The following DGKI variants were observed in gnomAD, a reference collection of about 807,000 sequenced individuals.
DGKI encodes DAG kinase iota.
Under a neutral mutation model 147.5 loss-of-function variants are expected in DGKI, and 55 were observed. The observed-to-expected ratio is 0.37, with a 90% CI of 0.30 to 0.47. The LOEUF (loss-of-function observed/expected upper bound fraction) is 0.47. Among genes scored for constraint, DGKI ranks in the 20% least tolerant of loss-of-function variants. The probability of loss-of-function intolerance (pLI) is 1.00; values close to 1 mark genes in which losing one functional copy is unlikely to be tolerated. For synonymous variants in DGKI, 469 were observed against 477.1 expected, an observed-to-expected ratio of 0.98 and a Z score of 0.22; for missense variants, 1,007 against 1,323.8, an observed-to-expected ratio of 0.76 and a Z score of 3.71.
At chr7:137,487,520 G>T in intron 22 of DGKI, 90 bp downstream of exon 22, 1 of 1,142,356 alleles carries the variant, frequency 8.8e-7, no homozygotes, top group Non-Finnish European at 1.3e-6. Context: ...CTCTCCAAAT[G>T]CATCATTTCA....
Position 137,515,528 on chromosome 7 carries a change from A to G in DGKI, c.2248+6338T>C, listed in dbSNP as rs185138023. Among the ~76,000 whole-genome samples the G allele has an allele frequency of 9.3e-4, 141 of 152,296 alleles. 1 individual carries two copies. The highest frequency in any genetic ancestry group is 3.3e-3 in the African/African-American group (139 of 41,574). ...AGTCAAAGTCAGTTTAAATGTAAGA[A>G]GACATTTGAAATGGAATTGTGAAAG... On this transcript the variant is annotated intron_variant, in intron 21 of 32. Transcript: ENST00000614521.
At chr7:137,584,782 G>A (rs935689131) in intron 14 of DGKI, among the ~76,000 whole-genome samples, 1 of 152,168 alleles carries the variant, frequency 6.6e-6, no homozygotes, top group African/African-American at 2.4e-5. Context: ...CACTGGCATA[G>A]TTAATACCTC....
intron 1 of DGKI, among the ~76,000 whole-genome samples, chr7:137,798,225 C>T (rs1039510103): frequency 1.3e-5 from 2 of 152,066 alleles, no homozygotes; most frequent in African/African-American, 4.8e-5. Flanking sequence ...ATGGAAAGCC[C>T]AGACCCAGAG....
intron 27 of DGKI, among the ~76,000 whole-genome samples, chr7:137,462,204 AAC>A (rs1814471413): frequency 6.6e-6 from 1 of 152,132 alleles, no homozygotes; most frequent in Non-Finnish European, 1.5e-5. Flanking sequence ...AGCTAATTAA[AAC>A]ACTAATTTTC....
chr7:137,568,150 T>C (rs1818654968), intron 19 of DGKI, among the ~76,000 whole-genome samples: 2 of 152,246 alleles, frequency 1.3e-5, no homozygotes, highest in African/African-American at 2.4e-5. Flanking sequence ...ATGCACTCTA[T>C]GATCTGGCCC....
At chr7:137,563,406 G>T (rs1478566069) in intron 19 of DGKI, among the ~76,000 whole-genome samples, 1 of 151,554 alleles carries the variant, frequency 6.6e-6, no homozygotes, top group East Asian at 1.9e-4. Context: ...CCAAGAAAAA[G>T]AAATTTTAAA....
chr7:137,459,714 T>A lies in DGKI; in HGVS notation c.2735+3775A>T, dbSNP rs909201446. 2.0e-5 allele frequency among the ~76,000 whole-genome samples: 3 copies of A among 152,172 alleles called. No individual in the cohort carries two copies. The East Asian group carries it at 5.8e-4, about 30-fold the overall frequency. On this transcript the variant is annotated intron_variant, in intron 27 of 32. Transcript: ENST00000614521. Reference sequence around the variant, plus strand: ...TGGTCTTGATCTCCTGACCTCGTGATCCACCCGCCTCAGCCTCCCAAAGTG... The same window carrying A: ...TGGTCTTGATCTCCTGACCTCGTGAACCACCCGCCTCAGCCTCCCAAAGTG...
chr7:137,602,538 C>T (rs1239299757), intron 10 of DGKI, among the ~76,000 whole-genome samples: 1 of 152,032 alleles, frequency 6.6e-6, no homozygotes, highest in Non-Finnish European at 1.5e-5. Flanking sequence ...GTATTTATTA[C>T]CAAAAATGTA....
intron 1 of DGKI, among the ~76,000 whole-genome samples, chr7:137,767,877 G>T (rs1451256818): frequency 6.6e-6 from 1 of 152,106 alleles, no homozygotes; most frequent in Non-Finnish European, 1.5e-5. Context: ...ACAGTGTCTT[G>T]CACCCAGAAA....
intron 21 of DGKI, among the ~76,000 whole-genome samples, chr7:137,498,395 G>A (rs1816049205): frequency 1.3e-5 from 2 of 151,832 alleles, no homozygotes; most frequent in African/African-American, 4.8e-5. Flanking sequence ...AAAACAAAAT[G>A]AAGAATATTT....
intron 20 of DGKI, among the ~76,000 whole-genome samples, chr7:137,544,903 C>T (rs1366831762): frequency 1.3e-5 from 2 of 152,122 alleles, no homozygotes; most frequent in African/African-American, 2.4e-5. Context: ...TGATAAACTC[C>T]AGTGAGGGTG....
chr7:137,410,871 T>C (rs781499217), intron 29 of DGKI, among the ~76,000 whole-genome samples: 1 of 152,226 alleles, frequency 6.6e-6, no homozygotes, highest in Non-Finnish European at 1.5e-5. Flanking sequence ...AACTCATCAA[T>C]ATACTGCTTG....
chr7:137,391,466 A>G, intron 32 of DGKI, 130 bp from the exon 33 acceptor site: 2 of 628,082 alleles, frequency 3.2e-6, no homozygotes, highest in Non-Finnish European at 5.5e-6. Flanking sequence ...GATACCTGCT[A>G]GTAAGGATCC....
At chr7:137,665,827 A>C (rs969620928) in intron 3 of DGKI, among the ~76,000 whole-genome samples, 3 of 152,202 alleles carry the variant, frequency 2.0e-5, no homozygotes, top group African/African-American at 7.2e-5. Context: ...GAAAACCAAA[A>C]TCTTACAGCA....
chr7:137,577,127 G>T, intron 17 of DGKI, 95 bp downstream of exon 17: 1 of 854,900 alleles, frequency 1.2e-6, no homozygotes, highest in South Asian at 1.5e-5. Flanking sequence ...GTTCTATGCA[G>T]TCCAGTGATT....
intron 2 of DGKI, among the ~76,000 whole-genome samples, chr7:137,687,556 C>T (rs1032491872): frequency 2.0e-5 from 3 of 152,074 alleles, no homozygotes; most frequent in African/African-American, 4.8e-5. Context: ...CTAGTTTTAG[C>T]CAAAGAAAAA....
rs1159143727 is a variant in DGKI at position 137,846,784 on chromosome 7, C to T, written c.79G>A (p.Ala27Thr). Residue 27 changes from alanine to threonine, a missense_variant, in exon 1 of 33, where the codon GCC becomes ACC. Coordinates refer to ENST00000614521, the MANE Select transcript of DGKI (RefSeq NM_001321708.2). The surrounding 1 kb of genome is among the most constrained non-coding windows in gnomAD (Gnocchi z 4.0). ...CCGGGCGGGCTGGCGGCGGCGGCGG[C>T]GGCGGCTGCAGGAGCGCGGGCAGGT... ...RGPARAPAAA[A>T]AAAASPPGPC... 4.6e-6 allele frequency: 5 copies of T among 1,090,296 alleles called. No individual in the cohort carries two copies. Among genetic ancestry groups the T allele is most frequent in the Admixed American group, 5.3e-5 (1 of 18,892 alleles). The allele number at this position is 1,090,296 out of a possible 1,614,324, so 67.5% of individuals were successfully genotyped here.
At chr7:137,609,415 G>A (rs1820290254) in intron 9 of DGKI, 120 bp downstream of exon 9, 1 of 726,294 alleles carries the variant, frequency 1.4e-6, no homozygotes, top group South Asian at 1.9e-5. Context: ...AGAGTGTAGT[G>A]AGGAGAAAGC....
At chr7:137,598,073 T>C (rs142802067) in intron 11 of DGKI, among the ~76,000 whole-genome samples, 166 bp from the exon 12 acceptor site, 1 of 152,340 alleles carries the variant, frequency 6.6e-6, no homozygotes, top group African/African-American at 2.4e-5. Context: ...ACAGGAAGAA[T>C]GACTCCCACC....
Sources: gnomAD v4.1 joint callset for allele counts (sites outside exome capture counted in the v4.1 genomes callset) on GRCh38, gnomAD v4.1.1 for gene constraint, Gnocchi (gnomAD v3.1) non-coding constraint, MANE v1.5 for transcripts, NCBI Gene and HGNC (gene_info 2026-07-23, HGNC 2026-07-21) for gene names.